Variants in ITGAV observed in about 807,000 individuals in gnomAD.
ITGAV encodes the protein integrin subunit alpha V, also known as integrin alpha-V.
In ITGAV, 76 loss-of-function variants were observed where a neutral mutation model predicts 143.8. The observed-to-expected ratio is 0.53, with a 90% CI of 0.44 to 0.64. The LOEUF is 0.64. Ranked by LOEUF, ITGAV falls within the 30% of genes least tolerant of loss-of-function variation. ITGAV has a pLI of 0.00. For missense variants in ITGAV, 1,193 were observed against 1,274.7 expected (o/e 0.94, Z 0.98); for synonymous variants, 453 against 446.7 (o/e 1.01, Z -0.18).
At chr2:186,627,382 T>C (rs573485369) in intron 4 of ITGAV, among the ~76,000 whole-genome samples, 5 of 152,234 alleles carry the variant, frequency 3.3e-5, no homozygotes, top group Non-Finnish European at 7.3e-5. Context: ...GTTTTCCATT[T>C]CAGTTGCTTC....
chr2:186,677,301 T>G lies in ITGAV; in HGVS notation c.*9T>G. 1 of 1,593,616 alleles carries G rather than the reference T, an allele frequency of 6.3e-7. No individual in the cohort carries two copies. Among genetic ancestry groups the G allele is most frequent in the Non-Finnish European group, 8.6e-7 (1 of 1,162,254 alleles). On this transcript the variant is annotated 3_prime_UTR_variant, in exon 30 of 30. Coordinates refer to ENST00000261023, the MANE Select transcript of ITGAV (RefSeq NM_002210.5). Reference sequence around the variant, plus strand: ...GAAACTCAGAAACTTAACTGCAGTTTTTAAGTTATGCTACATCTTGACCCA... The same window carrying G: ...GAAACTCAGAAACTTAACTGCAGTTGTTAAGTTATGCTACATCTTGACCCA...
intron 2 of ITGAV, among the ~76,000 whole-genome samples, chr2:186,615,939 TA>T (rs1431243153): frequency 6.6e-6 from 1 of 152,188 alleles, no homozygotes; most frequent in African/African-American, 2.4e-5. Flanking sequence ...CTCTTACGTG[TA>T]AAAATGTCTG....
At chr2:186,603,669 T>G (rs994220228) in intron 2 of ITGAV, among the ~76,000 whole-genome samples, 1 of 152,234 alleles carries the variant, frequency 6.6e-6, no homozygotes, top group Non-Finnish European at 1.5e-5. Flanking sequence ...GTTTAGATTT[T>G]GATAGGTCGA....
chr2:186,654,356 C>A (rs1210619914), intron 15 of ITGAV, among the ~76,000 whole-genome samples: 1 of 151,272 alleles, frequency 6.6e-6, no homozygotes, highest in African/African-American at 2.4e-5. Context: ...AAAATCTGAA[C>A]TGTCATACCC....
At chr2:186,668,196 A>ATG (rs1688956137) in intron 24 of ITGAV, among the ~76,000 whole-genome samples, 1 of 14,374 alleles carries the variant, frequency 7.0e-5, no homozygotes, top group Non-Finnish European at 1.4e-4. Flanking sequence ...ATATATATAT[A>ATG]TATATATATA....
chr2:186,599,438 TCAAA>T (rs770694857), intron 1 of ITGAV, among the ~76,000 whole-genome samples: 6 of 152,192 alleles, frequency 3.9e-5, no homozygotes, highest in South Asian at 2.1e-4. Flanking sequence ...CACAGATATC[TCAAA>T]CAAACATATT....
intron 26 of ITGAV, among the ~76,000 whole-genome samples, chr2:186,670,737 A>T (rs1689041187): frequency 6.6e-6 from 1 of 152,166 alleles, no homozygotes; most frequent in South Asian, 2.1e-4. Flanking sequence ...CATGGCTGTA[A>T]ATACCATGTG....
At chr2:186,650,554 T>A (rs1224808187) in intron 14 of ITGAV, among the ~76,000 whole-genome samples, 1 of 151,940 alleles carries the variant, frequency 6.6e-6, no homozygotes, top group African/African-American at 2.4e-5. Flanking sequence ...TCTACGGTGT[T>A]ATTGAACACT....
At chr2:186,634,907 CA>C (rs1687911338) in intron 6 of ITGAV, among the ~76,000 whole-genome samples, 1 of 151,908 alleles carries the variant, frequency 6.6e-6, no homozygotes, top group South Asian at 2.1e-4. Context: ...CCAAAACTGT[CA>C]AGGAAGCTAA....
At position 186,666,659 on chromosome 2, in the gene ITGAV, A is replaced by T. The variant is rs776282048; in HGVS notation, c.2167-45A>T. ...TAGACATTGGATTTGAAATTTTGCT[A>T]ATTAGACATTGACTAGCATTACTAT... On this transcript the variant is annotated intron_variant, in intron 21 of 29. Transcript: ENST00000261023. The T allele has an allele frequency of 5.3e-6, 6 of 1,124,832 alleles. No homozygotes were observed. The South Asian group carries it at 5.6e-5, about 11-fold the overall frequency. The allele number at this position is 1,124,832 out of a possible 1,614,324, so 69.7% of individuals were successfully genotyped here.
chr2:186,638,155 A>T, intron 8 of ITGAV, 122 bp from the exon 9 acceptor site: 1 of 793,184 alleles, frequency 1.3e-6, no homozygotes, highest in Non-Finnish European at 2.1e-6. Context: ...AATTTTTCTA[A>T]ATTGATTGTT....
chr2:186,636,587 G>A (rs1232966865), intron 7 of ITGAV, among the ~76,000 whole-genome samples: 1 of 152,184 alleles, frequency 6.6e-6, no homozygotes, highest in Non-Finnish European at 1.5e-5. Context: ...CTTGCCCAAA[G>A]TCACTCGCTT....
chr2:186,636,478 A>G (rs1179592714), intron 7 of ITGAV, among the ~76,000 whole-genome samples: 1 of 152,198 alleles, frequency 6.6e-6, no homozygotes, highest in East Asian at 1.9e-4. Flanking sequence ...GTTCAAGGTG[A>G]CTTGGTTTGT....
chr2:186,665,101 T>C, intron 20 of ITGAV, 25 bp from the exon 21 acceptor site: 1 of 1,301,450 alleles, frequency 7.7e-7, no homozygotes, highest in South Asian at 1.4e-5. Context: ...TATCCATTTT[T>C]TTTTTTTTTT....
intron 15 of ITGAV, 21 bp from the exon 16 acceptor site, chr2:186,654,629 A>T (rs753546630): frequency 1.2e-5 from 16 of 1,291,814 alleles, no homozygotes; most frequent in Non-Finnish European, 1.8e-5. Flanking sequence ...GAATTTATGT[A>T]TGTTTTTTAT....
At chr2:186,606,613 TC>T (rs1168649269) in intron 2 of ITGAV, among the ~76,000 whole-genome samples, 2 of 152,142 alleles carry the variant, frequency 1.3e-5, no homozygotes, top group African/African-American at 2.4e-5. Flanking sequence ...TTTCCTTTCT[TC>T]CCCAACTTTG....
chr2:186,633,762 T>G (rs1303429520), intron 6 of ITGAV, among the ~76,000 whole-genome samples: 1 of 152,184 alleles, frequency 6.6e-6, no homozygotes, highest in Non-Finnish European at 1.5e-5. Flanking sequence ...TGTGGCATTC[T>G]AAAAGTTGAA....
At position 186,645,811 on chromosome 2, in the gene ITGAV, A is replaced by ACCCCGT. The variant is rs543679224; in HGVS notation, c.1160-875_1160-874insCCCCGT. On this transcript the variant is annotated intron_variant, in intron 12 of 29. Transcript: ENST00000261023. ...TGAAACCCCGTCTCTACTGAAAAAA[A>ACCCCGT]AACAAAAAAAATTAGCCGGGCATGG... Among the ~76,000 whole-genome samples the ACCCCGT allele has an allele frequency of 5.1e-4, 78 of 152,082 alleles. 1 individual carries two copies. Among genetic ancestry groups the ACCCCGT allele is most frequent in the South Asian group, 4.0e-3 (19 of 4,800 alleles).
chr2:186,648,580 T>G (rs1688326322), intron 13 of ITGAV, among the ~76,000 whole-genome samples: 1 of 152,188 alleles, frequency 6.6e-6, no homozygotes, highest in African/African-American at 2.4e-5. Flanking sequence ...GTCTCCTGCC[T>G]CAGCCTCCTG....
Sources: allele counts gnomAD v4.1 joint callset (sites outside exome capture counted in the v4.1 genomes callset), GRCh38; gene constraint gnomAD v4.1.1; transcripts MANE v1.5; gene names NCBI Gene and HGNC (gene_info 2026-07-23, HGNC 2026-07-21).